The following MLLT10 variants were observed in gnomAD, a reference collection of about 807,000 sequenced individuals.
The protein encoded by MLLT10 is MLLT10 histone lysine methyltransferase DOT1L cofactor, also known as protein AF-10.
Under a neutral mutation model 129.1 loss-of-function variants are expected in MLLT10, and 30 were observed. The ratio of observed to expected loss-of-function variants is 0.23; its 90% CI spans 0.17 to 0.32. MLLT10 has a LOEUF of 0.32. Among genes scored for constraint, MLLT10 ranks in the 10% least tolerant of loss-of-function variants. MLLT10 has a pLI of 1.00. For synonymous variants in MLLT10, 490 were observed against 446.4 expected, an observed-to-expected ratio of 1.10 and a Z score of -1.23; for missense variants, 1,119 against 1,268.3, an observed-to-expected ratio of 0.88 and a Z score of 1.79.
Position 21,670,442 on chromosome 10 carries a change from A to G in MLLT10, c.796-7A>G. 6.3e-7 allele frequency: 1 copy of G among 1,594,322 alleles called. No individual in the cohort carries two copies. Among genetic ancestry groups the G allele is most frequent in the Non-Finnish European group, 8.5e-7 (1 of 1,172,242 alleles). ...TTTTTCCTTCCCTTTTTGAATCAAA[A>G]TGTTAGACTTATACAAGCACTAGCA... On this transcript the variant is annotated splice_polypyrimidine_tract_variant and splice_region_variant and intron_variant, in intron 9 of 22. Transcript: ENST00000307729.
intron 3 of MLLT10, among the ~76,000 whole-genome samples, chr10:21,563,687 A>G (rs557310880): frequency 6.6e-6 from 1 of 152,196 alleles, no homozygotes; most frequent in East Asian, 1.9e-4. Context: ...TTCCACTTGT[A>G]GGTTATTAAG....
At chr10:21,649,705 A>G (rs2048838329) in intron 8 of MLLT10, among the ~76,000 whole-genome samples, 1 of 152,162 alleles carries the variant, frequency 6.6e-6, no homozygotes, top group Non-Finnish European at 1.5e-5. Context: ...AGAGTGTGGA[A>G]TGATTCTTTA....
rs1267864269 is a variant in MLLT10 at position 21,717,797 on chromosome 10, T to TCC, written c.1878+3847_1878+3848insCC. Among the ~76,000 whole-genome samples the TCC allele has an allele frequency of 1.4e-3, 195 of 141,328 alleles. 4 individuals carry two copies. Among genetic ancestry groups the TCC allele is most frequent in the African/African-American group, 5.2e-3 (192 of 36,942 alleles). The allele number at this position is 141,328 out of a possible 152,430, so 92.7% of individuals were successfully genotyped here. A position where few individuals can be genotyped will look rare whatever the true frequency, so the allele number is the denominator to read the frequency against. ...CTGCTGCTGCTTCTTCTTCTTCTTC[T>TCC]TCTCCTTCTTCTTCTCCTTCTTCTC... On this transcript the variant is annotated intron_variant, in intron 14 of 22. Coordinates refer to ENST00000307729, the MANE Select transcript of MLLT10 (RefSeq NM_001195626.3).
At chr10:21,689,982 G>A (rs1395229458) in intron 13 of MLLT10, among the ~76,000 whole-genome samples, 1 of 151,966 alleles carries the variant, frequency 6.6e-6, no homozygotes, top group African/African-American at 2.4e-5. Context: ...AGCTGGAAAG[G>A]ATGGGTATTC....
At chr10:21,718,197 G>A (rs957495372) in intron 14 of MLLT10, among the ~76,000 whole-genome samples, 4 of 151,654 alleles carry the variant, frequency 2.6e-5, no homozygotes, top group African/African-American at 7.3e-5. Context: ...CCTTTCAACA[G>A]ACTAGTTTTT....
intron 3 of MLLT10, among the ~76,000 whole-genome samples, chr10:21,573,438 T>G (rs556293037): frequency 6.6e-6 from 1 of 152,308 alleles, no homozygotes; most frequent in Admixed American, 6.5e-5. Context: ...CTGAGTAGCT[T>G]CCTGAGGGTT....
chr10:21,696,499 A>G (rs187278264), intron 13 of MLLT10, among the ~76,000 whole-genome samples: 1 of 152,326 alleles, frequency 6.6e-6, no homozygotes, highest in East Asian at 1.9e-4. Context: ...CAGGTCAAGA[A>G]TGGCTCTCAC....
At chr10:21,642,912 C>G (rs2048155635) in intron 8 of MLLT10, among the ~76,000 whole-genome samples, 1 of 152,126 alleles carries the variant, frequency 6.6e-6, no homozygotes, top group South Asian at 2.1e-4. Context: ...ATTTGGCAGA[C>G]TTATGTTTTG....
intron 3 of MLLT10, among the ~76,000 whole-genome samples, chr10:21,581,044 ATTTTT>A (rs35410894): frequency 7.8e-6 from 1 of 128,734 alleles, no homozygotes. Flanking sequence ...TGTTCAGTGA[ATTTTT>A]TTTTTTTTTT....
intron 3 of MLLT10, among the ~76,000 whole-genome samples, chr10:21,574,922 C>G (rs527392937): frequency 8.5e-4 from 130 of 152,184 alleles, no homozygotes; most frequent in Admixed American, 1.6e-3. Context: ...TTGTGCCAGC[C>G]TCCTATCTCA....
At chr10:21,537,232 T>C (rs2034198702) in intron 2 of MLLT10, among the ~76,000 whole-genome samples, 1 of 152,236 alleles carries the variant, frequency 6.6e-6, no homozygotes, top group African/African-American at 2.4e-5. Context: ...AAAGTTATAC[T>C]GAATTTATAT....
chr10:21,534,699 A>C lies in MLLT10; in HGVS notation c.55A>C (p.Lys19Gln). The C allele has an allele frequency of 6.2e-7, 1 of 1,613,192 alleles. No individual in the cohort carries two copies. The highest frequency in any genetic ancestry group is 1.1e-5 in the South Asian group (1 of 91,008). Reference protein sequence around the residue: ...SLEDEVSHSMKEMIGGCCVCS... With the variant: ...SLEDEVSHSMQEMIGGCCVCS... ...GGAGGACGAGGTCTCCCATAGTATG[A>C]AGGAGATGATTGGAGGCTGTTGCGT... The change falls in exon 2 of 23, where the codon AAG (lysine) becomes CAG (glutamine). Residue 19 changes from lysine (K) to glutamine (Q), a missense_variant. Coordinates refer to ENST00000307729, the MANE Select transcript of MLLT10 (RefSeq NM_001195626.3).
chr10:21,651,723 A>T lies in MLLT10; in HGVS notation c.750A>T (p.Glu250Asp). The change falls in exon 9 of 23, where the codon GAA (glutamate) becomes GAT (aspartate). Residue 250 changes from glutamate to aspartate, a missense_variant. Coordinates refer to ENST00000307729, the MANE Select transcript of MLLT10 (RefSeq NM_001195626.3). The part of the protein sequence containing the change: ...KHKQKHKKQP[E>D]PSPALVPSLT... ...AACAGAAACACAAGAAGCAGCCAGA[A>T]CCATCACCTGCATTGGTTCCATCCT... is the stretch of plus-strand genomic sequence containing the variant. 1.2e-6 allele frequency: 2 copies of T among 1,613,590 alleles called. No individual in the cohort carries two copies.
chr10:21,565,945 CTTTTTTTTTTTTT>C (rs1204388391), intron 3 of MLLT10, among the ~76,000 whole-genome samples: 2 of 79,358 alleles, frequency 2.5e-5, no homozygotes, highest in Non-Finnish European at 4.5e-5. Context: ...CAATCTTTGG[CTTTTTTTTTTTTT>C]TTTTTTTTTT....
chr10:21,666,830 A>G (rs755895770), intron 9 of MLLT10, among the ~76,000 whole-genome samples: 4 of 152,192 alleles, frequency 2.6e-5, no homozygotes, highest in Non-Finnish European at 4.4e-5. Context: ...AAATAAATAC[A>G]TTATAATTTG....
chr10:21,592,010 T>TG (rs1322874672), intron 4 of MLLT10, among the ~76,000 whole-genome samples: 1 of 152,112 alleles, frequency 6.6e-6, no homozygotes, highest in Non-Finnish European at 1.5e-5. Context: ...CGTGAGCCAC[T>TG]GCACCTGGCC....
chr10:21,634,758 G>A (rs1456352144), intron 8 of MLLT10, among the ~76,000 whole-genome samples: 1 of 152,198 alleles, frequency 6.6e-6, no homozygotes, highest in African/African-American at 2.4e-5. Flanking sequence ...CCAGTATCGA[G>A]TAGACTCAAG....
chr10:21,657,062 C>T (rs955843285), intron 9 of MLLT10, among the ~76,000 whole-genome samples: 4 of 152,078 alleles, frequency 2.6e-5, no homozygotes, highest in African/African-American at 9.7e-5. Flanking sequence ...AACTAGTTTC[C>T]TTCTTCCCAT....
chr10:21,545,018 G>A (rs2035849285), intron 3 of MLLT10, among the ~76,000 whole-genome samples: 1 of 152,212 alleles, frequency 6.6e-6, no homozygotes, highest in African/African-American at 2.4e-5. Flanking sequence ...GGTGGCACAT[G>A]CCTGTAATCC....
Sources: gnomAD v4.1 joint callset for allele counts (sites outside exome capture counted in the v4.1 genomes callset) on GRCh38, gnomAD v4.1.1 for gene constraint, MANE v1.5 for transcripts, NCBI Gene and HGNC (gene_info 2026-07-23, HGNC 2026-07-21) for gene names.